ZNF609: variants seen among roughly 807,000 people sequenced by gnomAD.
ZNF609 encodes the protein zinc finger protein 609.
Under a neutral mutation model 109.5 loss-of-function variants are expected in ZNF609, and 11 were observed. The ratio of observed to expected loss-of-function variants is 0.10; its 90% CI spans 0.06 to 0.17. The LOEUF (loss-of-function observed/expected upper bound fraction) is 0.17. Ranked by LOEUF, ZNF609 falls within the 10% of genes least tolerant of loss-of-function variation. The pLI is 1.00. For synonymous variants in ZNF609, 646 were observed against 662.0 expected (o/e 0.98, Z 0.37); for missense variants, 1,559 against 1,772.4 (o/e 0.88, Z 2.16).
At chr15:64,546,789 C>CTTTTTTT (rs1206513622) in intron 2 of ZNF609, among the ~76,000 whole-genome samples, 8 of 122,560 alleles carry the variant, frequency 6.5e-5, no homozygotes, top group African/African-American at 6.9e-5. Flanking sequence ...TTTCATGTTT[C>CTTTTTTT]TTTTTTTTTT....
chr15:64,528,214 C>G (rs910124520), intron 2 of ZNF609, among the ~76,000 whole-genome samples: 5 of 151,702 alleles, frequency 3.3e-5, no homozygotes, highest in African/African-American at 7.3e-5. Flanking sequence ...TCTGCTGCCT[C>G]AGCCTCCTGA....
intron 3 of ZNF609, among the ~76,000 whole-genome samples, chr15:64,627,222 C>T (rs938315047): frequency 4.0e-5 from 6 of 151,600 alleles, no homozygotes; most frequent in African/African-American, 1.5e-4. Flanking sequence ...CAAAACAAAA[C>T]TACCAAGTCT....
intron 1 of ZNF609, among the ~76,000 whole-genome samples, chr15:64,498,866 G>A (rs1250154898): frequency 6.6e-6 from 1 of 152,212 alleles, no homozygotes; most frequent in Non-Finnish European, 1.5e-5. Flanking sequence ...GCTAGATCAT[G>A]TTCTGCGTCT....
upstream of ZNF609, among the ~76,000 whole-genome samples, chr15:64,460,217 C>T (rs1373290419): frequency 6.6e-6 from 1 of 152,088 alleles, no homozygotes; most frequent in African/African-American, 2.4e-5. Context: ...AGGACAACTA[C>T]AGAAGAGGTG....
At chr15:64,601,312 C>T (rs139833066) in intron 2 of ZNF609, among the ~76,000 whole-genome samples, 434 of 152,208 alleles carry the variant, frequency 2.9e-3, no homozygotes, top group Non-Finnish European at 5.4e-3. Context: ...AAGTGGTCTA[C>T]GGGTCTCATC....
At chr15:64,647,961 G>A (rs1896359111) in intron 3 of ZNF609, among the ~76,000 whole-genome samples, 1 of 152,168 alleles carries the variant, frequency 6.6e-6, no homozygotes, top group Admixed American at 6.5e-5. Context: ...TTTGCCACCA[G>A]TATGTAGCTT....
chr15:64,628,904 C>T (rs1485386545), intron 3 of ZNF609, among the ~76,000 whole-genome samples: 4 of 152,074 alleles, frequency 2.6e-5, no homozygotes, highest in Admixed American at 6.5e-5. Flanking sequence ...GGATTACAGG[C>T]GTGAGCCACC....
intron 2 of ZNF609, among the ~76,000 whole-genome samples, chr15:64,546,621 T>G (rs1043382092): frequency 1.3e-5 from 2 of 151,482 alleles, no homozygotes; most frequent in Admixed American, 1.3e-4. Context: ...AACAGGTGCA[T>G]GCCACTATGC....
rs1284854845 is a variant in ZNF609, at chr15:64,685,917, T to C, written c.*4231T>C. 1 of 152,222 alleles carries C rather than the reference T, an allele frequency of 6.6e-6. No homozygotes were observed. The highest frequency in any genetic ancestry group is 2.4e-5 in the African/African-American group (1 of 41,464). 9.4% of individuals were successfully genotyped at this position (152,222 alleles called of 1,614,324 possible). On this transcript the variant is annotated 3_prime_UTR_variant, in exon 10 of 10. Transcript: ENST00000326648. ...AAACACAGCCCAACCAAACCATTGT[T>C]TGGCCGCTTTCTCTTTTCCTCTACC...
chr15:64,579,538 C>T (rs1265754620), intron 2 of ZNF609, among the ~76,000 whole-genome samples: 1 of 151,630 alleles, frequency 6.6e-6, no homozygotes, highest in Non-Finnish European at 1.5e-5. Context: ...TGGTGAAACC[C>T]TGTCTCTACT....
At position 64,549,537 on chromosome 15, in the gene ZNF609, A is replaced by G. The variant is rs147424526; in HGVS notation, c.747+49371A>G. ...CCTCACAGTTAATGATGTAGGTACT[A>G]TTAATATCATCCCCATCTACAGCTG... is the stretch of plus-strand genomic sequence containing the variant. On this transcript the variant is annotated intron_variant, in intron 2 of 9. Transcript: ENST00000326648. Among the ~76,000 whole-genome samples, 18 of 152,288 alleles carry G rather than the reference A, an allele frequency of 1.2e-4. No individual in the cohort carries two copies. The East Asian group carries it at 1.9e-3, about 16-fold the overall frequency.
chr15:64,524,287 C>T (rs996868944), intron 2 of ZNF609, among the ~76,000 whole-genome samples: 9 of 152,144 alleles, frequency 5.9e-5, no homozygotes, highest in Admixed American at 3.9e-4. Context: ...GGCCTTTGGC[C>T]GGGCGCAGTG....
At chr15:64,666,556 T>C (rs1896651509) in intron 3 of ZNF609, among the ~76,000 whole-genome samples, 1 of 152,056 alleles carries the variant, frequency 6.6e-6, no homozygotes, top group Non-Finnish European at 1.5e-5. Flanking sequence ...GAGGCTGGAG[T>C]GCAGTAGCAC....
At chr15:64,600,743 T>C (rs1011266927) in intron 2 of ZNF609, among the ~76,000 whole-genome samples, 1 of 151,724 alleles carries the variant, frequency 6.6e-6, no homozygotes, top group South Asian at 2.1e-4. Context: ...AAAGAAAAAT[T>C]AATGGCCTCT....
chr15:64,633,380 C>T (rs1567035251), intron 3 of ZNF609, among the ~76,000 whole-genome samples: 2 of 152,158 alleles, frequency 1.3e-5, no homozygotes, highest in Non-Finnish European at 2.9e-5. Flanking sequence ...CTCCTGGGCT[C>T]AAGTGATCCG....
intron 2 of ZNF609, among the ~76,000 whole-genome samples, chr15:64,528,128 C>G (rs559929363): frequency 6.6e-6 from 1 of 150,648 alleles, no homozygotes; most frequent in African/African-American, 2.4e-5. Context: ...GTTGGAGTCT[C>G]GCTCTGTTGC....
chr15:64,680,575 G>A, intron 7 of ZNF609, 71 bp from the exon 8 acceptor site: 1 of 1,337,888 alleles, frequency 7.5e-7, no homozygotes. Context: ...GTGTGTGTGT[G>A]TGTGTGTGTG....
intron 2 of ZNF609, among the ~76,000 whole-genome samples, chr15:64,553,332 T>C (rs1894517504): frequency 6.6e-6 from 1 of 151,808 alleles, no homozygotes; most frequent in Non-Finnish European, 1.5e-5. Context: ...TCAATAAATA[T>C]GGAGAGAATT....
intron 2 of ZNF609, among the ~76,000 whole-genome samples, chr15:64,596,301 G>A (rs1230822568): frequency 6.6e-6 from 1 of 152,052 alleles, no homozygotes; most frequent in Non-Finnish European, 1.5e-5. Flanking sequence ...TTACAGGCAT[G>A]CACCACCATG....
Sources: allele counts gnomAD v4.1 joint callset (sites outside exome capture counted in the v4.1 genomes callset), GRCh38; gene constraint gnomAD v4.1.1; transcripts MANE v1.5; gene names NCBI Gene and HGNC (gene_info 2026-07-23, HGNC 2026-07-21).